DPP6: variants seen among roughly 807,000 people sequenced by gnomAD.
DPP6 encodes the protein dipeptidyl peptidase like 6.
A neutral mutation model predicts 122.6 loss-of-function variants in DPP6; 69 were observed. The observed-to-expected ratio is 0.56, with a 90% CI of 0.46 to 0.69. DPP6 has a LOEUF of 0.69. Among genes scored for constraint, DPP6 ranks in the 30% least tolerant of loss-of-function variants. The probability of loss-of-function intolerance (pLI) is 0.00; values close to 1 mark genes in which losing one functional copy is unlikely to be tolerated. For synonymous variants in DPP6, 418 were observed against 433.1 expected, an observed-to-expected ratio of 0.97 and a Z score of 0.43; for missense variants, 928 against 1,116.9, an observed-to-expected ratio of 0.83 and a Z score of 2.41.
At chr7:153,871,742 C>T in the DPP6 span, among the ~76,000 whole-genome samples, 1 of 152,196 alleles carries the variant, frequency 6.6e-6, no homozygotes, top group Non-Finnish European at 1.5e-5. Flanking sequence ...TTCTGCGTCG[C>T]TCACGCTGGG....
chr7:154,538,296 G>A (rs1315275334), intron 3 of DPP6, among the ~76,000 whole-genome samples: 1 of 152,068 alleles, frequency 6.6e-6, no homozygotes, highest in African/African-American at 2.4e-5. Flanking sequence ...TTGTAGCATA[G>A]GTAAATGTGT....
intron 1 of DPP6, among the ~76,000 whole-genome samples, chr7:154,175,289 A>C (rs73165230): frequency 0.21 from 31,669 of 151,890 alleles, 3,419 homozygotes; most frequent in East Asian, 0.33. Context: ...TAAGGTTGGA[A>C]ATCGTCTTGG....
chr7:154,153,581 A>G (rs984724571), intron 1 of DPP6, among the ~76,000 whole-genome samples: 7 of 152,296 alleles, frequency 4.6e-5, no homozygotes, highest in African/African-American at 9.6e-5. Flanking sequence ...CTGACAGCCA[A>G]TACACCTGCA....
chr7:153,875,518 A>C, the DPP6 span, among the ~76,000 whole-genome samples: 1 of 152,144 alleles, frequency 6.6e-6, no homozygotes, highest in Non-Finnish European at 1.5e-5. Flanking sequence ...ATAATAGCAC[A>C]AAAGACAGGA....
At chr7:154,879,960 C>CT (rs1490284507) in intron 20 of DPP6, among the ~76,000 whole-genome samples, 1 of 152,228 alleles carries the variant, frequency 6.6e-6, no homozygotes, top group East Asian at 1.9e-4. Flanking sequence ...GTTCATCTGA[C>CT]TTTCATTTTC....
intron 1 of DPP6, among the ~76,000 whole-genome samples, chr7:154,115,775 C>T (rs533214472): frequency 1.3e-5 from 2 of 152,138 alleles, no homozygotes; most frequent in African/African-American, 2.4e-5. Flanking sequence ...AAGGTGGGGA[C>T]AGTACAAACT....
At chr7:154,085,610 AGGGAATTGAG>A (rs1804351490) in intron 1 of DPP6, among the ~76,000 whole-genome samples, 1 of 152,224 alleles carries the variant, frequency 6.6e-6, no homozygotes, top group Non-Finnish European at 1.5e-5. Context: ...TTAAGGCAGA[AGGGAATTGAG>A]AAACTGACCC....
intron 1 of DPP6, among the ~76,000 whole-genome samples, chr7:154,330,502 T>G (rs967867005): frequency 3.3e-5 from 5 of 152,172 alleles, no homozygotes; most frequent in African/African-American, 4.8e-5. Context: ...ATATGATTCC[T>G]CTTTGGGGCG....
intron 1 of DPP6, among the ~76,000 whole-genome samples, chr7:154,190,489 T>G (rs1798563761): frequency 6.6e-6 from 1 of 152,188 alleles, no homozygotes; most frequent in East Asian, 1.9e-4. Context: ...CTTGGAATAA[T>G]AAGCAGGCAA....
chr7:154,706,164 T>A (rs531220285), intron 7 of DPP6, among the ~76,000 whole-genome samples: 2 of 152,284 alleles, frequency 1.3e-5, no homozygotes, highest in South Asian at 4.1e-4. Flanking sequence ...TCTAGGATCC[T>A]GCGTCCCCTG....
At chr7:154,582,006 G>C (rs73483870) in intron 5 of DPP6, among the ~76,000 whole-genome samples, 4,485 of 152,170 alleles carry the variant, frequency 0.029, 210 homozygotes, top group African/African-American at 0.1. Context: ...GTAGACCCGG[G>C]TGCCTACCAC....
chr7:154,229,745 A>G (rs1485222317), intron 1 of DPP6, among the ~76,000 whole-genome samples: 2 of 152,086 alleles, frequency 1.3e-5, no homozygotes, highest in African/African-American at 4.8e-5. Context: ...TCTTGCTGCA[A>G]TTTTATCAGA....
intron 1 of DPP6, among the ~76,000 whole-genome samples, chr7:154,005,762 A>T (rs1432073421): frequency 6.6e-6 from 1 of 150,760 alleles, no homozygotes; most frequent in Non-Finnish European, 1.5e-5. Context: ...AGGGAATAGG[A>T]GGAGAGAAGT....
intron 7 of DPP6, among the ~76,000 whole-genome samples, chr7:154,683,816 C>T (rs1586883610): frequency 6.6e-6 from 1 of 152,322 alleles, no homozygotes; most frequent in Non-Finnish European, 1.5e-5. Flanking sequence ...CAGACCACCT[C>T]TCACTGCGAA....
At chr7:153,865,773 G>C in the DPP6 span, among the ~76,000 whole-genome samples, 4 of 151,912 alleles carry the variant, frequency 2.6e-5, no homozygotes, top group East Asian at 7.8e-4. Context: ...TTTAGCATTA[G>C]GTATATCTCC....
intron 1 of DPP6, among the ~76,000 whole-genome samples, chr7:154,014,532 G>A (rs959221111): frequency 2.6e-5 from 4 of 151,816 alleles, no homozygotes; most frequent in African/African-American, 7.3e-5. Context: ...GCACACGCGT[G>A]TAGTCCCAGC....
chr7:154,682,845 T>C lies in DPP6; in HGVS notation c.762+13404T>C, dbSNP rs79676720. On this transcript the variant is annotated intron_variant, in intron 7 of 25. Transcript: ENST00000377770. ...CTTCTCTGATGTGTGGGGAACACAGTGCCTTACTCGTGCTAGAGCAGTGAT... is the reference window on the plus strand; with the variant it reads ...CTTCTCTGATGTGTGGGGAACACAGCGCCTTACTCGTGCTAGAGCAGTGAT... Among the ~76,000 whole-genome samples, 624 of 152,338 alleles carry C rather than the reference T, an allele frequency of 4.1e-3. 8 individuals are homozygous for C. The highest frequency in any genetic ancestry group is 0.014 in the African/African-American group (581 of 41,572).
chr7:154,889,862 C>T (rs1468370776), intron 25 of DPP6: 1 of 324,374 alleles, frequency 3.1e-6, no homozygotes, highest in African/African-American at 2.1e-5. Context: ...CTGGGGCTAT[C>T]CCGCTGCGGA....
intron 5 of DPP6, among the ~76,000 whole-genome samples, chr7:154,611,853 A>ATGTG (rs556116932): frequency 0.012 from 1,701 of 147,906 alleles, 30 homozygotes; most frequent in African/African-American, 0.04. Flanking sequence ...TTGCTTTCAT[A>ATGTG]TATGTGTGTG....
Sources: allele counts gnomAD v4.1 joint callset (sites outside exome capture counted in the v4.1 genomes callset), GRCh38; gene constraint gnomAD v4.1.1; transcripts MANE v1.5; gene names NCBI Gene and HGNC (gene_info 2026-07-23, HGNC 2026-07-21).